Variants in DPYD observed in about 807,000 individuals in gnomAD.
The protein encoded by DPYD is dihydropyrimidine dehydrogenase.
A neutral mutation model predicts 116.2 loss-of-function variants in DPYD; 109 were observed. That is an observed-to-expected ratio of 0.94 (90% CI 0.80 to 1.10). The LOEUF (loss-of-function observed/expected upper bound fraction) is 1.10, where lower values mean the gene tolerates loss of function less well. DPYD is among the 50% of genes least tolerant of loss of function. DPYD has a pLI of 0.00. For missense variants in DPYD, 1,302 were observed against 1,254.5 expected, an observed-to-expected ratio of 1.04 and a Z score of -0.57; for synonymous variants, 440 against 432.0, an observed-to-expected ratio of 1.02 and a Z score of -0.23.
At chr1:97,799,371 GATCA>G (rs1667742191) in intron 3 of DPYD, among the ~76,000 whole-genome samples, 1 of 151,856 alleles carries the variant, frequency 6.6e-6, no homozygotes, top group Non-Finnish European at 1.5e-5. Context: ...TGATTTGTAT[GATCA>G]ATCAGCAAGT....
At chr1:97,394,457 C>G (rs1446324891) in intron 14 of DPYD, 1 of 151,978 alleles carries the variant, frequency 6.6e-6, no homozygotes, top group East Asian at 1.9e-4. Context: ...GTGTAGCAGT[C>G]AGAACACACA....
chr1:97,729,313 C>T (rs1663455411), intron 4 of DPYD, among the ~76,000 whole-genome samples: 1 of 152,000 alleles, frequency 6.6e-6, no homozygotes, highest in Non-Finnish European at 1.5e-5. Context: ...TATCTCTCAG[C>T]CTCGGTTTCA....
chr1:97,301,193 T>C (rs1639495102), intron 18 of DPYD, among the ~76,000 whole-genome samples: 1 of 152,034 alleles, frequency 6.6e-6, no homozygotes, highest in Non-Finnish European at 1.5e-5. Flanking sequence ...AGGAGTAACT[T>C]TGAGCTGAAA....
At chr1:97,391,917 T>G (rs1253985368) in intron 14 of DPYD, among the ~76,000 whole-genome samples, 2 of 151,996 alleles carry the variant, frequency 1.3e-5, no homozygotes, top group African/African-American at 2.4e-5. Context: ...TTTGTCTAAA[T>G]GTATAAGGAA....
intron 16 of DPYD, among the ~76,000 whole-genome samples, chr1:97,368,264 A>T (rs1671144198): frequency 6.6e-6 from 1 of 152,102 alleles, no homozygotes; most frequent in African/African-American, 2.4e-5. Context: ...GGGACTTGCT[A>T]CTTGGTTACC....
At chr1:97,410,158 A>G (rs1673901750) in intron 14 of DPYD, among the ~76,000 whole-genome samples, 1 of 151,630 alleles carries the variant, frequency 6.6e-6, no homozygotes, top group Non-Finnish European at 1.5e-5. Context: ...ACTTTCTATT[A>G]TATCATTTTC....
intron 1 of DPYD, among the ~76,000 whole-genome samples, chr1:97,909,239 T>A (rs1165133253): frequency 6.6e-6 from 1 of 152,084 alleles, no homozygotes; most frequent in East Asian, 1.9e-4. Flanking sequence ...AGGGAACTTA[T>A]TTTTTGTTCC....
intron 1 of DPYD, among the ~76,000 whole-genome samples, chr1:97,903,109 T>C (rs1571559235): frequency 1.3e-5 from 2 of 151,856 alleles, no homozygotes; most frequent in South Asian, 4.1e-4. Flanking sequence ...TTACAAACAG[T>C]GTGGGTTGTG....
chr1:97,159,684 A>T (rs1170284910), intron 20 of DPYD, among the ~76,000 whole-genome samples: 1 of 152,086 alleles, frequency 6.6e-6, no homozygotes, highest in Non-Finnish European at 1.5e-5. Flanking sequence ...GGCAATTTTG[A>T]GACTGAATTT....
chr1:97,888,896 G>A (rs921189474), intron 1 of DPYD, among the ~76,000 whole-genome samples: 3 of 152,054 alleles, frequency 2.0e-5, no homozygotes, highest in Admixed American at 6.6e-5. Context: ...GATGGCTCCC[G>A]CCTGTAATCC....
At chr1:97,732,659 T>C (rs1663695796) in intron 4 of DPYD, among the ~76,000 whole-genome samples, 1 of 152,048 alleles carries the variant, frequency 6.6e-6, no homozygotes, top group African/African-American at 2.4e-5. Flanking sequence ...TCCTTTGTCT[T>C]TAACTCTAGT....
chr1:97,136,569 T>C (rs985176939), intron 20 of DPYD, among the ~76,000 whole-genome samples: 2 of 152,094 alleles, frequency 1.3e-5, no homozygotes, highest in Non-Finnish European at 2.9e-5. Context: ...GAATTCTCAA[T>C]TCCTACCCAC....
At chr1:97,465,206 G>T (rs1228383472) in intron 13 of DPYD, among the ~76,000 whole-genome samples, 2 of 152,138 alleles carry the variant, frequency 1.3e-5, no homozygotes, top group Non-Finnish European at 2.9e-5. Flanking sequence ...TATTTACCCA[G>T]TGTCTCTACC....
intron 1 of DPYD, 132 bp downstream of exon 1, chr1:97,920,752 C>T: frequency 1.5e-6 from 2 of 1,300,226 alleles, no homozygotes; most frequent in South Asian, 1.3e-5. Context: ...CCCCGCAGAG[C>T]TCCCACGGGG....
intron 16 of DPYD, among the ~76,000 whole-genome samples, chr1:97,345,778 T>C (rs1054713109): frequency 6.6e-6 from 1 of 152,062 alleles, no homozygotes; most frequent in East Asian, 1.9e-4. Context: ...TAACATATAG[T>C]ATGCATAGCA....
intron 20 of DPYD, among the ~76,000 whole-genome samples, chr1:97,152,814 A>G (rs956848195): frequency 6.6e-6 from 1 of 152,018 alleles, no homozygotes; most frequent in Admixed American, 6.6e-5. Flanking sequence ...TTATGTTTAG[A>G]TGGTTTTCAT....
chr1:97,594,439 G>T (rs1016741944), intron 9 of DPYD, among the ~76,000 whole-genome samples: 4 of 152,104 alleles, frequency 2.6e-5, no homozygotes, highest in African/African-American at 9.7e-5. Flanking sequence ...ATAAAAGTTT[G>T]TATCATTTCT....
intron 16 of DPYD, among the ~76,000 whole-genome samples, chr1:97,366,320 ATTTAT>A (rs1218662599): frequency 6.6e-6 from 1 of 152,224 alleles, no homozygotes; most frequent in Non-Finnish European, 1.5e-5. Flanking sequence ...CAAGTGGATA[ATTTAT>A]TTTAAAGAAC....
At chr1:97,837,213 C>A (rs1253352344) in intron 2 of DPYD, among the ~76,000 whole-genome samples, 1 of 152,088 alleles carries the variant, frequency 6.6e-6, no homozygotes, top group Non-Finnish European at 1.5e-5. Context: ...TTTTCTTTGG[C>A]ATGTAATCCT....
Sources: allele counts gnomAD v4.1 joint callset (sites outside exome capture counted in the v4.1 genomes callset), GRCh38; gene constraint gnomAD v4.1.1; transcripts MANE v1.5; gene names NCBI Gene and HGNC (gene_info 2026-07-23, HGNC 2026-07-21).